The following FHIT variants were observed in gnomAD, a reference collection of about 807,000 sequenced individuals.
FHIT encodes bis(5'-adenosyl)-triphosphatase.
FHIT carries 19 observed loss-of-function variants against 17.9 expected under a neutral mutation model. The ratio of observed to expected loss-of-function variants is 1.06; its 90% CI spans 0.74 to 1.56. The LOEUF (loss-of-function observed/expected upper bound fraction) is 1.56, where lower values mean the gene tolerates loss of function less well. Among genes scored for constraint, FHIT ranks in the 40% most tolerant of loss-of-function variants. The pLI, the probability that FHIT is intolerant of heterozygous loss-of-function variation, is 0.00. For missense variants in FHIT, 248 were observed against 189.2 expected, an observed-to-expected ratio of 1.31 and a Z score of -1.82; for synonymous variants, 81 against 69.7, an observed-to-expected ratio of 1.16 and a Z score of -0.81.
intron 5 of FHIT, among the ~76,000 whole-genome samples, chr3:60,255,246 A>G (rs1705928663): frequency 1.3e-5 from 2 of 152,216 alleles, no homozygotes; most frequent in Admixed American, 1.3e-4. Flanking sequence ...ATCACACCTC[A>G]GATGAGTATA....
chr3:61,092,489 T>C (rs1181986201), intron 2 of FHIT, among the ~76,000 whole-genome samples: 1 of 150,332 alleles, frequency 6.7e-6, no homozygotes, highest in East Asian at 1.9e-4. Context: ...CTAAAGTATA[T>C]ATGTCCCTTA....
chr3:60,986,751 T>C (rs1479955823), intron 3 of FHIT, among the ~76,000 whole-genome samples: 1 of 152,100 alleles, frequency 6.6e-6, no homozygotes, highest in South Asian at 2.1e-4. Context: ...AAGCCAGAAA[T>C]TTCACCAGCA....
chr3:60,328,341 T>A (rs1404135350), intron 5 of FHIT, among the ~76,000 whole-genome samples: 2 of 152,196 alleles, frequency 1.3e-5, no homozygotes, highest in African/African-American at 4.8e-5. Context: ...TGAGAATGGG[T>A]ACTTTATAAG....
At chr3:59,905,495 C>T (rs116162643) in intron 8 of FHIT, among the ~76,000 whole-genome samples, 1 of 152,274 alleles carries the variant, frequency 6.6e-6, no homozygotes, top group East Asian at 1.9e-4. Context: ...AACCTAGTGC[C>T]TCTCACGTAG....
chr3:61,237,809 A>G (rs896457027), intron 1 of FHIT, among the ~76,000 whole-genome samples: 4 of 152,216 alleles, frequency 2.6e-5, no homozygotes, highest in African/African-American at 9.7e-5. Context: ...TGAGCACTTC[A>G]CTCAAGATGA....
chr3:60,506,862 A>T (rs1489199598), intron 5 of FHIT, among the ~76,000 whole-genome samples: 1 of 152,216 alleles, frequency 6.6e-6, no homozygotes, highest in Non-Finnish European at 1.5e-5. Flanking sequence ...ATGTTGTTGT[A>T]AACTACCAAG....
At chr3:60,698,764 TG>T (rs1553701288) in intron 4 of FHIT, among the ~76,000 whole-genome samples, 1 of 152,222 alleles carries the variant, frequency 6.6e-6, no homozygotes, top group South Asian at 2.1e-4. Flanking sequence ...ATTTCCAGTT[TG>T]GTCCTTTGTG....
At chr3:60,193,136 C>T (rs1316222796) in intron 5 of FHIT, among the ~76,000 whole-genome samples, 1 of 152,202 alleles carries the variant, frequency 6.6e-6, no homozygotes, top group Non-Finnish European at 1.5e-5. Flanking sequence ...ACAAAATACA[C>T]TTCAGAAATA....
chr3:60,478,912 G>A (rs2033474462), intron 5 of FHIT, among the ~76,000 whole-genome samples: 2 of 152,120 alleles, frequency 1.3e-5, no homozygotes. Context: ...CTATTGAAAT[G>A]AAACGCAATA....
At chr3:61,119,437 C>T (rs113757032) in intron 2 of FHIT, among the ~76,000 whole-genome samples, 2,527 of 152,196 alleles carry the variant, frequency 0.017, 59 homozygotes, top group African/African-American at 0.056. Context: ...TTGTCTTGAA[C>T]TCCTAACCTC....
intron 7 of FHIT, among the ~76,000 whole-genome samples, chr3:59,951,409 C>T (rs1559492400): frequency 6.6e-6 from 1 of 152,178 alleles, no homozygotes; most frequent in Non-Finnish European, 1.5e-5. Context: ...GGCCACTACG[C>T]CCAAGAAAAA....
chr3:60,155,029 A>C (rs1267545170), intron 5 of FHIT, among the ~76,000 whole-genome samples: 1 of 151,988 alleles, frequency 6.6e-6, no homozygotes, highest in African/African-American at 2.4e-5. Context: ...GTGAGATCCC[A>C]GTTTTACAAA....
At chr3:60,418,033 C>T (rs1010515541) in intron 5 of FHIT, among the ~76,000 whole-genome samples, 2 of 152,086 alleles carry the variant, frequency 1.3e-5, no homozygotes, top group Non-Finnish European at 2.9e-5. Flanking sequence ...ACAGATAAAG[C>T]AGGCAAGGTT....
chr3:61,205,852 A>C (rs1249914723), intron 1 of FHIT, among the ~76,000 whole-genome samples: 1 of 149,988 alleles, frequency 6.7e-6, no homozygotes, highest in South Asian at 2.1e-4. Context: ...TTTGTCTTTT[A>C]ATGCCATTGC....
chr3:60,824,083 G>A (rs371467487), intron 3 of FHIT, among the ~76,000 whole-genome samples: 1 of 152,174 alleles, frequency 6.6e-6, no homozygotes, highest in African/African-American at 2.4e-5. Context: ...AAGGTGGGAA[G>A]CCATTGCCTA....
intron 1 of FHIT, among the ~76,000 whole-genome samples, chr3:61,210,227 C>T (rs563120709): frequency 3.9e-5 from 6 of 152,332 alleles, no homozygotes; most frequent in African/African-American, 1.4e-4. Context: ...GTGCGGGGTA[C>T]CTCCCAGTTA....
intron 5 of FHIT, among the ~76,000 whole-genome samples, chr3:60,426,373 G>A (rs1702665904): frequency 6.6e-6 from 1 of 152,132 alleles, no homozygotes; most frequent in South Asian, 2.1e-4. Context: ...AGCAGTGACG[G>A]ATGATATCAT....
chr3:60,031,743 G>C (rs1701010805), intron 5 of FHIT, among the ~76,000 whole-genome samples: 1 of 152,130 alleles, frequency 6.6e-6, no homozygotes, highest in South Asian at 2.1e-4. Flanking sequence ...CTTAGGTCAG[G>C]AGTTCTTAAC....
intron 3 of FHIT, among the ~76,000 whole-genome samples, chr3:60,823,731 C>T (rs1702014988): frequency 6.6e-6 from 1 of 152,152 alleles, no homozygotes. Flanking sequence ...TACTTAGTTA[C>T]TGCCACCCTA....
Sources: gnomAD v4.1 joint callset for allele counts (sites outside exome capture counted in the v4.1 genomes callset) on GRCh38, gnomAD v4.1.1 for gene constraint, MANE v1.5 for transcripts, NCBI Gene and HGNC (gene_info 2026-07-23, HGNC 2026-07-21) for gene names.